FRAS1: variants seen among roughly 807,000 people sequenced by gnomAD.
FRAS1 encodes the protein extracellular matrix organizing protein FRAS1.
FRAS1 carries 290 observed loss-of-function variants against 435.2 expected under a neutral mutation model. The observed-to-expected ratio is 0.67, with a 90% CI of 0.61 to 0.73. The LOEUF is 0.73. Among genes scored for constraint, FRAS1 ranks in the 30% least tolerant of loss-of-function variants. The pLI is 0.00. For missense variants in FRAS1, 4,860 were observed against 5,001.5 expected (o/e 0.97, Z 0.85); for synonymous variants, 1,800 against 1,851.0 (o/e 0.97, Z 0.71).
At chr4:78,383,805 T>C (rs1732114386) in intron 27 of FRAS1, among the ~76,000 whole-genome samples, 1 of 152,210 alleles carries the variant, frequency 6.6e-6, no homozygotes, top group East Asian at 1.9e-4. Context: ...TTTAGAAAGA[T>C]AGGAAACAAA....
chr4:78,193,240 A>G (rs1722633474), intron 2 of FRAS1, among the ~76,000 whole-genome samples: 1 of 152,066 alleles, frequency 6.6e-6, no homozygotes, highest in African/African-American at 2.4e-5. Flanking sequence ...TGAAAAGTGT[A>G]TATTCTGTTG....
chr4:78,408,966 T>A (rs1429237442), intron 31 of FRAS1, among the ~76,000 whole-genome samples: 3 of 150,884 alleles, frequency 2.0e-5, no homozygotes, highest in Non-Finnish European at 4.4e-5. Flanking sequence ...TCGCAAAAAA[T>A]ACAAAAATTA....
intron 72 of FRAS1, 64 bp from the exon 73 acceptor site, chr4:78,539,230 G>A: frequency 6.6e-7 from 1 of 1,520,132 alleles, no homozygotes. Flanking sequence ...CCCAGTCACT[G>A]CCACCTACCA....
intron 23 of FRAS1, among the ~76,000 whole-genome samples, chr4:78,370,752 G>A (rs1731471593): frequency 6.6e-6 from 1 of 152,168 alleles, no homozygotes; most frequent in African/African-American, 2.4e-5. Context: ...AATGTCAAAT[G>A]CCAAGTGCCT....
chr4:78,115,624 T>A lies in FRAS1; in HGVS notation c.108+49608T>A, dbSNP rs747555107. 1.3e-5 allele frequency among the ~76,000 whole-genome samples: 2 copies of A among 152,316 alleles called. 1 individual carries two copies. Among genetic ancestry groups the A allele is most frequent in the East Asian group, 3.9e-4 (2 of 5,190 alleles). On this transcript the variant is annotated intron_variant, in intron 2 of 73. Coordinates refer to ENST00000512123, the MANE Select transcript of FRAS1 (RefSeq NM_025074.7). ...TTTCTAGTTTGTTTGTGTAGAGGTG[T>A]TTATAGTATTCTCTGATGGTAGTTT... is the stretch of plus-strand genomic sequence containing the variant.
In FRAS1 at chr4:78,293,660, G is replaced by A. The variant is rs1728008494; in HGVS notation, c.1534+7121G>A. On this transcript the variant is annotated intron_variant, in intron 14 of 73. Transcript: ENST00000512123. ...ATTCAGAAGGGAAGACAATAGGATT[G>A]CCTTCCTAGAATGTAAGTTTTTTTG... Among the ~76,000 whole-genome samples the A allele has an allele frequency of 3.3e-5, 5 of 152,320 alleles. No homozygotes were observed. In the South Asian group the frequency reaches 1.0e-3, roughly 32 times the overall value.
At chr4:78,251,949 G>T (rs1725552069) in intron 4 of FRAS1, among the ~76,000 whole-genome samples, 1 of 151,894 alleles carries the variant, frequency 6.6e-6, no homozygotes, top group African/African-American at 2.4e-5. Flanking sequence ...CAGAAAGGGG[G>T]GAGTGGAATA....
At chr4:78,314,444 C>G (rs1370076002) in intron 15 of FRAS1, among the ~76,000 whole-genome samples, 2 of 152,144 alleles carry the variant, frequency 1.3e-5, no homozygotes, top group Non-Finnish European at 2.9e-5. Flanking sequence ...CTAATTCAAC[C>G]CTTAATCATC....
At chr4:78,097,793 C>T (rs1741886019) in intron 2 of FRAS1, among the ~76,000 whole-genome samples, 2 of 152,134 alleles carry the variant, frequency 1.3e-5, no homozygotes, top group Non-Finnish European at 1.5e-5. Flanking sequence ...CATACAAAGT[C>T]CTAACCTTAG....
intron 71 of FRAS1, 77 bp from the exon 72 acceptor site, chr4:78,536,918 A>T: frequency 8.6e-7 from 1 of 1,166,908 alleles, no homozygotes; most frequent in Non-Finnish European, 1.3e-6. Context: ...GAGCATGTTT[A>T]ACCCCTTTCA....
At position 78,516,024 on chromosome 4, in the gene FRAS1, C is replaced by A. The variant is rs74632598; in HGVS notation, c.10389+11C>A. ...ACCGCTGACTTCCAGGTAGGTGCCCCGGGGCTTGTCTGAGGACTCTGCATA... is the reference window on the plus strand; with the variant it reads ...ACCGCTGACTTCCAGGTAGGTGCCCAGGGGCTTGTCTGAGGACTCTGCATA... On this transcript the variant is annotated intron_variant, in intron 66 of 73. Transcript: ENST00000512123. 6.2e-7 allele frequency: 1 copy of A among 1,605,356 alleles called. No individual in the cohort carries two copies.
chr4:78,184,142 T>G (rs1033867413), intron 2 of FRAS1, among the ~76,000 whole-genome samples: 6 of 152,200 alleles, frequency 3.9e-5, no homozygotes, highest in African/African-American at 1.4e-4. Flanking sequence ...CATTTATTCC[T>G]CATAGCAAAG....
In FRAS1 at chr4:78,423,670, A is replaced by T. The variant is rs181376650; in HGVS notation, c.4679-718A>T. ...TAATATAAGTTTAATCGCCCAGAAAACAGTTAACTCCTCAATTAGATTGAA... is the reference window on the plus strand; with the variant it reads ...TAATATAAGTTTAATCGCCCAGAAATCAGTTAACTCCTCAATTAGATTGAA... On this transcript the variant is annotated intron_variant, in intron 34 of 73. Transcript: ENST00000512123. Among the ~76,000 whole-genome samples the T allele has an allele frequency of 3.3e-4, 51 of 152,298 alleles. No individual in the cohort carries two copies. The East Asian group carries it at 9.7e-3, about 29-fold the overall frequency.
chr4:78,398,927 G>A (rs1037125559), intron 29 of FRAS1, among the ~76,000 whole-genome samples: 1 of 152,090 alleles, frequency 6.6e-6, no homozygotes, highest in African/African-American at 2.4e-5. Flanking sequence ...AGGTTGTGGT[G>A]AGCCAAGTTC....
At chr4:78,294,388 A>C (rs933245386) in intron 14 of FRAS1, among the ~76,000 whole-genome samples, 1 of 152,230 alleles carries the variant, frequency 6.6e-6, no homozygotes, top group African/African-American at 2.4e-5. Context: ...AGGGAGTCCT[A>C]GCAGCTGTGG....
intron 38 of FRAS1, among the ~76,000 whole-genome samples, chr4:78,436,356 C>A (rs1488532806): frequency 6.6e-6 from 1 of 152,092 alleles, no homozygotes; most frequent in African/African-American, 2.4e-5. Flanking sequence ...ACAGGATGTT[C>A]TTTACTTTGC....
chr4:78,497,854 C>T (rs1249162059), intron 60 of FRAS1, among the ~76,000 whole-genome samples: 1 of 152,148 alleles, frequency 6.6e-6, no homozygotes, highest in Non-Finnish European at 1.5e-5. Context: ...GAAACTCCAG[C>T]CTCAAAGTTG....
intron 33 of FRAS1, among the ~76,000 whole-genome samples, chr4:78,420,134 C>T (rs538145516): frequency 6.6e-6 from 1 of 152,366 alleles, no homozygotes; most frequent in East Asian, 1.9e-4. Context: ...TCTGCTCCCA[C>T]ATCTGGGACT....
intron 2 of FRAS1, among the ~76,000 whole-genome samples, chr4:78,081,316 C>T (rs1292258053): frequency 1.3e-5 from 2 of 152,120 alleles, no homozygotes; most frequent in African/African-American, 4.8e-5. Flanking sequence ...CTACTGAGCA[C>T]TGGAAATGCA....
Sources: allele counts gnomAD v4.1 joint callset (sites outside exome capture counted in the v4.1 genomes callset), GRCh38; gene constraint gnomAD v4.1.1; transcripts MANE v1.5; gene names NCBI Gene and HGNC (gene_info 2026-07-23, HGNC 2026-07-21).